Variants in NFIA observed in about 807,000 individuals in gnomAD.
The protein encoded by NFIA is nuclear factor 1 A-type.
A neutral mutation model predicts 62.8 loss-of-function variants in NFIA; 8 were observed. The observed-to-expected ratio is 0.13, with a 90% CI of 0.07 to 0.23. The LOEUF (loss-of-function observed/expected upper bound fraction) is 0.23. Among genes scored for constraint, NFIA ranks in the 10% least tolerant of loss-of-function variants. NFIA has a pLI of 1.00. For missense variants in NFIA, 410 were observed against 642.1 expected, an observed-to-expected ratio of 0.64 and a Z score of 3.91; for synonymous variants, 235 against 238.1, an observed-to-expected ratio of 0.99 and a Z score of 0.12.
At chr1:61,399,581 G>GA (rs1665449294) in intron 7 of NFIA, among the ~76,000 whole-genome samples, 1 of 152,188 alleles carries the variant, frequency 6.6e-6, no homozygotes, top group Admixed American at 6.5e-5. Flanking sequence ...TGGTTTGAGG[G>GA]AAAATGTGTG....
intron 10 of NFIA, among the ~76,000 whole-genome samples, chr1:61,441,292 GGTGTGTGTGTGTGTGTGTGTGT>G (rs763246425): frequency 1.4e-5 from 2 of 139,466 alleles, no homozygotes; most frequent in African/African-American, 2.7e-5. Context: ...GCCGTGCAGG[GGTGTGTGTGTGTGTGTGTGTGT>G]GTGTGTGTGT....
chr1:61,221,891 A>G (rs1654037341), intron 2 of NFIA, among the ~76,000 whole-genome samples: 1 of 152,256 alleles, frequency 6.6e-6, no homozygotes, highest in African/African-American at 2.4e-5. Context: ...AAGGCAGATA[A>G]TGATTCGGTA....
At chr1:61,435,793 T>A (rs898383592) in intron 10 of NFIA, among the ~76,000 whole-genome samples, 1 of 152,152 alleles carries the variant, frequency 6.6e-6, no homozygotes, top group Non-Finnish European at 1.5e-5. Flanking sequence ...GAAGGCGCAA[T>A]AGGTAGTGGA....
intron 2 of NFIA, among the ~76,000 whole-genome samples, chr1:61,190,680 G>GTTTC (rs1651555320): frequency 2.0e-5 from 3 of 152,300 alleles, no homozygotes; most frequent in African/African-American, 7.2e-5. Context: ...TTTATGACCT[G>GTTTC]TAGTTACACA....
intron 2 of NFIA, among the ~76,000 whole-genome samples, chr1:61,257,873 T>C (rs1252414386): frequency 3.2e-4 from 39 of 122,658 alleles, no homozygotes; most frequent in Admixed American, 2.9e-3. Flanking sequence ...TTTTTTTTTT[T>C]TTTCTTTTTT....
At chr1:61,349,454 A>G (rs1662429964) in intron 4 of NFIA, among the ~76,000 whole-genome samples, 1 of 152,190 alleles carries the variant, frequency 6.6e-6, no homozygotes, top group African/African-American at 2.4e-5. Flanking sequence ...CCATAGTTCC[A>G]TTATGGCACC....
At chr1:61,143,300 A>T (rs1647675890) in intron 2 of NFIA, among the ~76,000 whole-genome samples, 1 of 152,186 alleles carries the variant, frequency 6.6e-6, no homozygotes, top group South Asian at 2.1e-4. Flanking sequence ...ACCTTGACAA[A>T]CGTATGTTTG....
intron 2 of NFIA, among the ~76,000 whole-genome samples, chr1:61,176,658 A>C (rs1448845551): frequency 6.6e-6 from 1 of 152,166 alleles, no homozygotes; most frequent in Non-Finnish European, 1.5e-5. Flanking sequence ...ATAGATGAAT[A>C]CTACAGTTAA....
chr1:61,090,723 C>G (rs1646305508), intron 2 of NFIA, among the ~76,000 whole-genome samples: 1 of 152,142 alleles, frequency 6.6e-6, no homozygotes, highest in South Asian at 2.1e-4. Context: ...TTTGGTTTTC[C>G]TGATGTATCC....
At chr1:61,377,222 C>CAATAAAA (rs71050123) in intron 6 of NFIA, among the ~76,000 whole-genome samples, 7,015 of 150,298 alleles carry the variant, frequency 0.047, 228 homozygotes, top group South Asian at 0.14. Flanking sequence ...GACTCCATCT[C>CAATAAAA]AAAAAAAAGA....
chr1:61,361,782 G>GGTGTGTGTGTGTGTGTGT (rs61410878), intron 6 of NFIA, among the ~76,000 whole-genome samples: 1 of 142,178 alleles, frequency 7.0e-6, no homozygotes, highest in African/African-American at 2.6e-5. Flanking sequence ...TTTGGTAAGA[G>GGTGTGTGTGTGTGTGTGT]GTGTGTGTGT....
At chr1:61,441,508 G>C (rs1051244153) in intron 10 of NFIA, among the ~76,000 whole-genome samples, 6 of 152,102 alleles carry the variant, frequency 3.9e-5, no homozygotes, top group Admixed American at 2.6e-4. Flanking sequence ...TTGTAGGGAG[G>C]ACCTTTGATT....
intron 2 of NFIA, among the ~76,000 whole-genome samples, chr1:61,258,589 G>A (rs1656569091): frequency 6.6e-6 from 1 of 152,066 alleles, no homozygotes; most frequent in South Asian, 2.1e-4. Flanking sequence ...GGGGTCTTCA[G>A]CAATTATGAA....
chr1:61,179,882 G>T lies in NFIA; in HGVS notation c.559+91202G>T, dbSNP rs79842054. On this transcript the variant is annotated intron_variant, in intron 2 of 10. Coordinates refer to ENST00000403491, the MANE Select transcript of NFIA (RefSeq NM_001134673.4). ...CCCATATATCAAGCACTAGACTAAA[G>T]GTCCATCAGCCTTTAGAAGAAGCCA... Among the ~76,000 whole-genome samples the T allele has an allele frequency of 3.1e-3, 470 of 152,216 alleles. 4 individuals are homozygous for T. In the South Asian group the frequency reaches 0.033, roughly 11 times the overall value.
intron 10 of NFIA, among the ~76,000 whole-genome samples, chr1:61,445,561 G>A (rs1237485255): frequency 6.6e-6 from 1 of 152,154 alleles, no homozygotes; most frequent in African/African-American, 2.4e-5. Context: ...AAGTTTTGTT[G>A]CCATAAAACC....
At chr1:61,105,232 A>G (rs1646575375) in intron 2 of NFIA, among the ~76,000 whole-genome samples, 1 of 152,160 alleles carries the variant, frequency 6.6e-6, no homozygotes, top group East Asian at 1.9e-4. Flanking sequence ...AAGGAGAAAT[A>G]CAGTTTAGAT....
chr1:61,270,986 C>T (rs1657469258), intron 2 of NFIA, among the ~76,000 whole-genome samples: 1 of 152,178 alleles, frequency 6.6e-6, no homozygotes, highest in African/African-American at 2.4e-5. Flanking sequence ...ATCATGTTTG[C>T]CTGTCTTTTA....
At chr1:61,227,743 A>G (rs959445164) in intron 2 of NFIA, among the ~76,000 whole-genome samples, 10 of 152,350 alleles carry the variant, frequency 6.6e-5, no homozygotes, top group African/African-American at 1.9e-4. Flanking sequence ...AGGTAGATGA[A>G]GTAACCAGTA....
chr1:61,378,785 T>A (rs11809238), intron 6 of NFIA, among the ~76,000 whole-genome samples: 1 of 152,182 alleles, frequency 6.6e-6, no homozygotes, highest in African/African-American at 2.4e-5. Context: ...CAGTTGCTTG[T>A]GGATGTGGGA....
Sources: gnomAD v4.1 joint callset for allele counts (sites outside exome capture counted in the v4.1 genomes callset) on GRCh38, gnomAD v4.1.1 for gene constraint, MANE v1.5 for transcripts, NCBI Gene and HGNC (gene_info 2026-07-23, HGNC 2026-07-21) for gene names.